The following MTAP variants were observed in gnomAD, a reference collection of about 807,000 sequenced individuals.
MTAP encodes methylthioadenosine phosphorylase.
In MTAP, 33 loss-of-function variants were observed where a neutral mutation model predicts 33.6. The observed-to-expected ratio is 0.98, with a 90% confidence interval of 0.74 to 1.31. The LOEUF (loss-of-function observed/expected upper bound fraction) is 1.31, where lower values mean the gene tolerates loss of function less well. MTAP is among the 40% of genes most tolerant of loss of function. The pLI is 0.00. For synonymous variants in MTAP, 148 were observed against 125.7 expected, an observed-to-expected ratio of 1.18 and a Z score of -1.19; for missense variants, 367 against 360.0, an observed-to-expected ratio of 1.02 and a Z score of -0.16.
rs75829032 is a variant in MTAP, at chr9:21,855,453, G to C, written c.690+583G>C. ...TAGGTCAACTGAATAGAGTTGACCA[G>C]ACCAAATATTTGAAGTATGAGAAGC... On this transcript the variant is annotated intron_variant, in intron 6 of 7. Coordinates refer to ENST00000644715, the MANE Select transcript of MTAP (RefSeq NM_002451.4). Among the ~76,000 whole-genome samples the C allele has an allele frequency of 6.2e-3, 948 of 152,356 alleles. 22 individuals carry two copies. The highest frequency in any genetic ancestry group is 0.053 in the East Asian group (275 of 5,186).
chr9:21,869,545 A>G (rs1446411728), downstream of MTAP, among the ~76,000 whole-genome samples: 3 of 152,000 alleles, frequency 2.0e-5, no homozygotes, highest in African/African-American at 7.2e-5. Context: ...GGATTTCTCC[A>G]TCTTCACTTG....
intron 1 of MTAP, among the ~76,000 whole-genome samples, chr9:21,898,317 C>G (rs1158805791): frequency 6.6e-6 from 1 of 152,168 alleles, no homozygotes; most frequent in Non-Finnish European, 1.5e-5. Context: ...AGGACACAGG[C>G]ATGGGCAAGG....
intron 4 of MTAP, among the ~76,000 whole-genome samples, chr9:21,821,349 T>G (rs1824633246): frequency 6.6e-6 from 1 of 152,232 alleles, no homozygotes; most frequent in African/African-American, 2.4e-5. Context: ...TGTTGAATTT[T>G]GTCAAAGGCC....
chr9:21,925,247 C>G (rs1328513656), intron 1 of MTAP, among the ~76,000 whole-genome samples: 1 of 152,190 alleles, frequency 6.6e-6, no homozygotes, highest in African/African-American at 2.4e-5. Context: ...CCTAGAGAGG[C>G]TACAAGAGGC....
chr9:21,886,914 T>A (rs973764435), intron 1 of MTAP, among the ~76,000 whole-genome samples: 3 of 152,228 alleles, frequency 2.0e-5, no homozygotes, highest in Non-Finnish European at 4.4e-5. Context: ...TTGCTTTGGC[T>A]ATGTGGGCTA....
chr9:21,856,724 A>G (rs973951637), intron 6 of MTAP, among the ~76,000 whole-genome samples: 1 of 152,242 alleles, frequency 6.6e-6, no homozygotes, highest in Non-Finnish European at 1.5e-5. Context: ...GCTTGAAGAC[A>G]GTGTTAAATG....
chr9:21,928,759 C>T (rs1024049459), intron 1 of MTAP, among the ~76,000 whole-genome samples: 2 of 152,070 alleles, frequency 1.3e-5, no homozygotes, highest in Non-Finnish European at 2.9e-5. Context: ...CAGGAAATAG[C>T]AGTCATGGGT....
downstream of MTAP, chr9:21,934,744 A>C (rs937156064): frequency 1.3e-5 from 2 of 151,054 alleles, no homozygotes; most frequent in Admixed American, 6.6e-5. This position sits in a 1 kb window ranked among gnomAD's most constrained non-coding sequence, Gnocchi z 5.0. Context: ...TCTGTTGCCC[A>C]GGCTGGAATG....
chr9:21,879,817 C>T (rs1307747846), intron 1 of MTAP, among the ~76,000 whole-genome samples: 1 of 151,378 alleles, frequency 6.6e-6, no homozygotes, highest in East Asian at 1.9e-4. Context: ...ATATGAAATT[C>T]TCAGTGGAAG....
chr9:21,907,014 A>G (rs918780176), intron 1 of MTAP, among the ~76,000 whole-genome samples: 2 of 152,206 alleles, frequency 1.3e-5, no homozygotes, highest in African/African-American at 4.8e-5. Flanking sequence ...TTTTCCACCA[A>G]CTAAGGGTAT....
At chr9:21,842,980 A>G (rs918929663) in intron 5 of MTAP, among the ~76,000 whole-genome samples, 3 of 152,222 alleles carry the variant, frequency 2.0e-5, no homozygotes, top group African/African-American at 7.2e-5. Context: ...GGCAGAATGG[A>G]TAAAAATCTA....
At chr9:21,851,857 C>T (rs1270761972) in intron 5 of MTAP, among the ~76,000 whole-genome samples, 1 of 152,206 alleles carries the variant, frequency 6.6e-6, no homozygotes, top group Non-Finnish European at 1.5e-5. Flanking sequence ...CTACATCTTT[C>T]TCCCATGCTG....
chr9:21,802,983 C>A, intron 1 of MTAP: 4 of 1,162,740 alleles, frequency 3.4e-6, no homozygotes, highest in Non-Finnish European at 4.6e-6. Context: ...TGCCGCACCG[C>A]CAACACACAC....
chr9:21,873,351 C>T (rs1016104608), intron 1 of MTAP, among the ~76,000 whole-genome samples: 1 of 152,146 alleles, frequency 6.6e-6, no homozygotes, highest in Non-Finnish European at 1.5e-5. Context: ...GTCTGAATTT[C>T]TGTGTCCTCC....
intron 1 of MTAP, among the ~76,000 whole-genome samples, chr9:21,920,484 G>A (rs989645613): frequency 1.3e-5 from 2 of 152,126 alleles, no homozygotes; most frequent in Non-Finnish European, 2.9e-5. Context: ...TTAGTTTGGA[G>A]GACTTTCTTT....
At chr9:21,928,864 C>T (rs1490063213) in intron 1 of MTAP, among the ~76,000 whole-genome samples, 1 of 151,600 alleles carries the variant, frequency 6.6e-6, no homozygotes, top group Non-Finnish European at 1.5e-5. Flanking sequence ...TAGGCCATTT[C>T]TATATTCAGA....
chr9:21,861,868 C>A, intron 7 of MTAP, 108 bp from the exon 8 acceptor site: 1 of 779,336 alleles, frequency 1.3e-6, no homozygotes, highest in Non-Finnish European at 2.3e-6. Flanking sequence ...TGTATGTTTC[C>A]TGCGTCCTCA....
intron 1 of MTAP, chr9:21,930,202 G>T: frequency 3.1e-6 from 1 of 319,632 alleles, no homozygotes; most frequent in South Asian, 3.1e-5. Flanking sequence ...GCTAATCAGA[G>T]CCAAACCCCA....
At chr9:21,883,413 C>T (rs1199799100) in intron 1 of MTAP, among the ~76,000 whole-genome samples, 1 of 152,002 alleles carries the variant, frequency 6.6e-6, no homozygotes, top group Non-Finnish European at 1.5e-5. Flanking sequence ...ATCAAGAGTT[C>T]TCATACAGTG....
Sources: gnomAD v4.1 joint callset for allele counts (sites outside exome capture counted in the v4.1 genomes callset) on GRCh38, gnomAD v4.1.1 for gene constraint, Gnocchi (gnomAD v3.1) non-coding constraint, MANE v1.5 for transcripts, NCBI Gene and HGNC (gene_info 2026-07-23, HGNC 2026-07-21) for gene names.